The following GLRA2 variants were observed in gnomAD, a reference collection of about 807,000 sequenced individuals.
GLRA2 encodes glycine receptor subunit alpha-2.
Under a neutral mutation model 31.6 loss-of-function variants are expected in GLRA2, and 11 were observed. The observed-to-expected ratio is 0.35, with a 90% confidence interval of 0.22 to 0.58. The LOEUF (loss-of-function observed/expected upper bound fraction) is 0.58. Ranked by LOEUF, GLRA2 falls within the 20% of genes least tolerant of loss-of-function variation. The pLI is 0.84. For missense variants in GLRA2, 212 were observed against 351.8 expected (o/e 0.60, Z 3.18); for synonymous variants, 132 against 134.0 (o/e 0.99, Z 0.10).
At chrX:14,701,984 C>T (rs1042927432) in intron 8 of GLRA2, among the ~76,000 whole-genome samples, 5 of 112,196 alleles carry the variant, frequency 4.5e-5, no homozygotes, top group African/African-American at 1.3e-4. Context: ...AAAGTGATGA[C>T]TGAGGACAAA....
intron 7 of GLRA2, among the ~76,000 whole-genome samples, chrX:14,650,146 C>A (rs1000030199): frequency 1.8e-5 from 2 of 111,396 alleles, no homozygotes; most frequent in Admixed American, 9.6e-5. Context: ...ATAGGGAAAT[C>A]TTTGATGCAA....
Position 14,590,262 on chromosome X carries a change from G to A in GLRA2, c.494+8856G>A, listed in dbSNP as rs1300038755. ...TTGAGTTGTAATAGAGAACTCTTGG[G>A]GATTGACACGCTTTTCCCTCTGATG... On this transcript the variant is annotated intron_variant, in intron 4 of 8. Coordinates refer to ENST00000218075, the MANE Select transcript of GLRA2 (RefSeq NM_002063.4). Among the ~76,000 whole-genome samples, 3 of 110,631 alleles carry A rather than the reference G, an allele frequency of 2.7e-5. No homozygotes were observed. In the East Asian group the frequency reaches 8.5e-4, roughly 31 times the overall value.
intron 2 of GLRA2, among the ~76,000 whole-genome samples, chrX:14,565,077 TGA>T (rs2089785659): frequency 9.0e-6 from 1 of 111,129 alleles, no homozygotes; most frequent in Non-Finnish European, 1.9e-5. Flanking sequence ...TAAAAAGCTA[TGA>T]GATATTCAAA....
chrX:14,557,208 T>TCCC (rs1327860268), intron 2 of GLRA2, among the ~76,000 whole-genome samples: 1 of 94,052 alleles, frequency 1.1e-5, no homozygotes, highest in African/African-American at 3.9e-5. Context: ...CTCCGCCTCC[T>TCCC]GGGTTCACGC....
At chrX:14,493,220 A>AT in the GLRA2 span, among the ~76,000 whole-genome samples, 1 of 111,009 alleles carries the variant, frequency 9.0e-6, no homozygotes, top group Non-Finnish European at 1.9e-5. Flanking sequence ...GTGGAAAAAA[A>AT]ATGTTTTTCT....
intron 7 of GLRA2, among the ~76,000 whole-genome samples, chrX:14,646,074 C>G (rs781777519): frequency 8.9e-6 from 1 of 111,972 alleles, no homozygotes; most frequent in Non-Finnish European, 1.9e-5. Context: ...TAATTGCATG[C>G]CAATTATGTA....
intron 8 of GLRA2, 130 bp downstream of exon 8, chrX:14,690,989 C>T (rs2147185160): frequency 1.5e-6 from 1 of 657,278 alleles, no homozygotes; most frequent in East Asian, 3.4e-5. Context: ...TGTCCTACTA[C>T]ACTGACTTAG....
chrX:14,570,871 G>T (rs958042892), intron 2 of GLRA2, among the ~76,000 whole-genome samples: 1 of 111,782 alleles, frequency 8.9e-6, no homozygotes, highest in Non-Finnish European at 1.9e-5. Context: ...GATGGGGATT[G>T]TCATACTTGG....
At chrX:14,668,098 T>C (rs1231825926) in intron 7 of GLRA2, among the ~76,000 whole-genome samples, 1 of 111,516 alleles carries the variant, frequency 9.0e-6, no homozygotes, top group African/African-American at 3.3e-5. Flanking sequence ...CATATAGTTG[T>C]TGGCAAGATT....
chrX:14,709,850 G>T (rs1185216441), intron 8 of GLRA2, among the ~76,000 whole-genome samples: 1 of 112,024 alleles, frequency 8.9e-6, no homozygotes, highest in African/African-American at 3.2e-5. Context: ...TTCGGTAACT[G>T]CTAATTTTAA....
chrX:14,579,349 T>A (rs3216381), intron 3 of GLRA2, among the ~76,000 whole-genome samples: 41,902 of 107,034 alleles, frequency 0.39, 7,680 homozygotes, highest in African/African-American at 0.71. Context: ...TTTTTTTTTT[T>A]AATGGAGTCT....
At chrX:14,716,972 G>C (rs2091795545) in intron 8 of GLRA2, among the ~76,000 whole-genome samples, 1 of 110,513 alleles carries the variant, frequency 9.0e-6, no homozygotes, top group Non-Finnish European at 1.9e-5. Flanking sequence ...ATAAACCTTT[G>C]TACATATCTC....
chrX:14,560,022 G>C (rs1302875168), intron 2 of GLRA2, among the ~76,000 whole-genome samples: 1 of 111,628 alleles, frequency 9.0e-6, no homozygotes, highest in African/African-American at 3.3e-5. Flanking sequence ...ATAAGAAACA[G>C]TGCTTACTCA....
At chrX:14,538,525 T>C (rs1299948864) in intron 2 of GLRA2, among the ~76,000 whole-genome samples, 1 of 111,152 alleles carries the variant, frequency 9.0e-6, no homozygotes, top group Non-Finnish European at 1.9e-5. Flanking sequence ...TAAGCCTCAG[T>C]TGGTTTTCCT....
At chrX:14,634,265 G>A (rs2090685065) in intron 7 of GLRA2, among the ~76,000 whole-genome samples, 1 of 112,110 alleles carries the variant, frequency 8.9e-6, no homozygotes, top group Non-Finnish European at 1.9e-5. Flanking sequence ...TGAGATTTGA[G>A]TGAGGATATA....
At chrX:14,661,701 G>C (rs895881067) in intron 7 of GLRA2, among the ~76,000 whole-genome samples, 1 of 109,002 alleles carries the variant, frequency 9.2e-6, no homozygotes, top group African/African-American at 3.3e-5. Flanking sequence ...GCAAAACCCT[G>C]TCTCTACTAA....
At chrX:14,683,848 G>T (rs1284019300) in intron 7 of GLRA2, among the ~76,000 whole-genome samples, 1 of 109,592 alleles carries the variant, frequency 9.1e-6, no homozygotes, top group Non-Finnish European at 1.9e-5. Flanking sequence ...GTATACATAT[G>T]TAACTAACCT....
the GLRA2 span, among the ~76,000 whole-genome samples, chrX:14,465,214 T>C: frequency 1.8e-5 from 2 of 111,966 alleles, no homozygotes. Flanking sequence ...TTGTAGCTAT[T>C]GTAAATGGGA....
At chrX:14,557,786 C>G (rs764160595) in intron 2 of GLRA2, among the ~76,000 whole-genome samples, 1 of 111,027 alleles carries the variant, frequency 9.0e-6, no homozygotes, top group Non-Finnish European at 1.9e-5. Flanking sequence ...GCTACACACC[C>G]TGCAACGCAC....
Sources: gnomAD v4.1 joint callset for allele counts (sites outside exome capture counted in the v4.1 genomes callset) on GRCh38, gnomAD v4.1.1 for gene constraint, MANE v1.5 for transcripts, NCBI Gene and HGNC (gene_info 2026-07-23, HGNC 2026-07-21) for gene names.